MOXD1: variants seen among roughly 807,000 people sequenced by gnomAD.
MOXD1 encodes the protein DBH-like monooxygenase protein 1.
In MOXD1, 62 loss-of-function variants were observed where a neutral mutation model predicts 66.6. The observed-to-expected ratio is 0.93, with a 90% confidence interval of 0.76 to 1.15. MOXD1 has a LOEUF of 1.15. Among genes scored for constraint, MOXD1 ranks in the 50% most tolerant of loss-of-function variants. MOXD1 has a pLI of 0.00. For synonymous variants in MOXD1, 303 were observed against 281.9 expected, an observed-to-expected ratio of 1.07 and a Z score of -0.75; for missense variants, 847 against 754.6, an observed-to-expected ratio of 1.12 and a Z score of -1.44.
intron 4 of MOXD1, among the ~76,000 whole-genome samples, chr6:132,354,226 C>T (rs1775864256): frequency 2.0e-5 from 3 of 152,090 alleles, no homozygotes; most frequent in Admixed American, 2.0e-4. Flanking sequence ...TGTTAAAGAG[C>T]CTTGTTTTGT....
chr6:132,302,457 G>C (rs1157633369), intron 10 of MOXD1, among the ~76,000 whole-genome samples: 1 of 145,360 alleles, frequency 6.9e-6, no homozygotes, highest in Non-Finnish European at 1.5e-5. Flanking sequence ...TAAAGAATTA[G>C]CAGACAAGGA....
intron 9 of MOXD1, among the ~76,000 whole-genome samples, chr6:132,318,134 T>C (rs1774997836): frequency 1.3e-5 from 2 of 152,078 alleles, no homozygotes; most frequent in Admixed American, 6.6e-5. Flanking sequence ...AATTTTTTCT[T>C]TCCTATATTA....
At chr6:132,365,312 C>T (rs974014814) in intron 4 of MOXD1, among the ~76,000 whole-genome samples, 2 of 152,060 alleles carry the variant, frequency 1.3e-5, no homozygotes, top group East Asian at 3.9e-4. Flanking sequence ...AGTCCATGCT[C>T]GAGGTGCTAA....
intron 1 of MOXD1, among the ~76,000 whole-genome samples, chr6:132,378,873 C>CTTTT (rs1562297743): frequency 4.4e-5 from 3 of 68,854 alleles, no homozygotes; most frequent in Non-Finnish European, 1.0e-4. Flanking sequence ...AGAACACTTC[C>CTTTT]TCTTTTTTTT....
intron 9 of MOXD1, among the ~76,000 whole-genome samples, chr6:132,319,875 C>T (rs148720915): frequency 1.2e-3 from 181 of 152,192 alleles, no homozygotes; most frequent in Non-Finnish European, 7.4e-4. Flanking sequence ...TTAATGAATG[C>T]TTTCTCTACC....
At chr6:132,384,384 A>G (rs1776581980) in intron 1 of MOXD1, among the ~76,000 whole-genome samples, 1 of 150,484 alleles carries the variant, frequency 6.6e-6, no homozygotes, top group African/African-American at 2.5e-5. Flanking sequence ...TTGAGTTACT[A>G]TTCTTCAGAC....
chr6:132,310,961 TTTTG>T (rs147640316), intron 10 of MOXD1, among the ~76,000 whole-genome samples: 2,128 of 152,252 alleles, frequency 0.014, 57 homozygotes, highest in African/African-American at 0.048. Flanking sequence ...GTATCCCGTT[TTTTG>T]TTTGTTTGTT....
intron 4 of MOXD1, among the ~76,000 whole-genome samples, chr6:132,359,646 C>T (rs1775977290): frequency 6.6e-6 from 1 of 151,968 alleles, no homozygotes; most frequent in Non-Finnish European, 1.5e-5. Context: ...GCCACGAAGC[C>T]CGGCTAATTT....
intron 10 of MOXD1, among the ~76,000 whole-genome samples, chr6:132,308,856 T>C (rs1774757227): frequency 6.6e-6 from 1 of 152,164 alleles, no homozygotes; most frequent in Admixed American, 6.5e-5. Context: ...AACAAGGTAT[T>C]GATGGAAATA....
chr6:132,322,762 T>A lies in MOXD1; in HGVS notation c.1222A>T (p.Met408Leu). The change falls in exon 8 of 12, where the codon ATG (methionine) becomes TTG (leucine). Residue 408 changes from methionine to leucine, a missense_variant. By Grantham distance (15) the Met-to-Leu change is conservative. Coordinates refer to ENST00000367963, the MANE Select transcript of MOXD1 (RefSeq NM_015529.4). Reference protein sequence around the residue: ...RLRHFRKGKEMKLLAYDDDFD... With the variant: ...RLRHFRKGKELKLLAYDDDFD... ...TCATCATCATAGGCAAGTAATTTCA[T>A]TTCCTTCCCTTTTCGAAAATGACGC... The A allele has an allele frequency of 6.2e-7, 1 of 1,614,124 alleles. No individual in the cohort carries two copies. Among genetic ancestry groups the A allele is most frequent in the East Asian group, 2.2e-5 (1 of 44,880 alleles).
At chr6:132,366,149 A>G (rs1386002323) in intron 4 of MOXD1, among the ~76,000 whole-genome samples, 2 of 152,164 alleles carry the variant, frequency 1.3e-5, no homozygotes, top group African/African-American at 4.8e-5. Context: ...GTGTTGCAAA[A>G]TATTTAAGAG....
chr6:132,396,251 C>T (rs547685447), intron 1 of MOXD1, among the ~76,000 whole-genome samples: 3 of 151,806 alleles, frequency 2.0e-5, no homozygotes, highest in Admixed American at 6.5e-5. Context: ...TTGGAAACTG[C>T]ACAAATACAT....
At chr6:132,310,789 T>G (rs1774810310) in intron 10 of MOXD1, among the ~76,000 whole-genome samples, 2 of 151,918 alleles carry the variant, frequency 1.3e-5, no homozygotes, top group Non-Finnish European at 2.9e-5. Flanking sequence ...AAGTGGGAGT[T>G]GAACAATGAG....
At position 132,296,483 on chromosome 6, in the gene MOXD1, A is replaced by ATCT. The variant is rs1774401987; in HGVS notation, c.*669_*670insAGA. 1 of 152,188 alleles carries ATCT rather than the reference A, an allele frequency of 6.6e-6. No individual in the cohort carries two copies. The highest frequency in any genetic ancestry group is 6.6e-5 in the Admixed American group (1 of 15,264). 9.4% of individuals were successfully genotyped at this position (152,188 alleles called of 1,614,324 possible). ...TCTTTTCAGATAGTGACAGAGCTCT[A>ATCT]GAAAAAACTCATCTGGCCAGTACTA... On this transcript the variant is annotated 3_prime_UTR_variant, in exon 12 of 12. Coordinates refer to ENST00000367963, the MANE Select transcript of MOXD1 (RefSeq NM_015529.4).
At position 132,361,073 on chromosome 6, in the gene MOXD1, A is replaced by T. The variant is rs556718108; in HGVS notation, c.663+11535T>A. Among the ~76,000 whole-genome samples the T allele has an allele frequency of 5.1e-4, 78 of 152,286 alleles. 1 individual carries two copies. The South Asian group carries it at 6.8e-3, about 13-fold the overall frequency. Reference sequence around the variant, plus strand: ...TCAGTGAGATTTCAGTGGTGCAAAGATCTCTCTTTATTGGTAATGAGATGC... The same window carrying T: ...TCAGTGAGATTTCAGTGGTGCAAAGTTCTCTCTTTATTGGTAATGAGATGC... On this transcript the variant is annotated intron_variant, in intron 4 of 11. Transcript: ENST00000367963.
intron 1 of MOXD1, among the ~76,000 whole-genome samples, chr6:132,376,183 T>A (rs1289347878): frequency 6.6e-6 from 1 of 152,234 alleles, no homozygotes; most frequent in East Asian, 1.9e-4. Flanking sequence ...TACAGTTGAT[T>A]TAGAATATAC....
In MOXD1 at chr6:132,359,708, C is replaced by G. The variant is rs370638919; in HGVS notation, c.663+12900G>C. Among the ~76,000 whole-genome samples, 596 of 151,726 alleles carry G rather than the reference C, an allele frequency of 3.9e-3. 3 individuals carry two copies. Among genetic ancestry groups the G allele is most frequent in the Middle Eastern group, 0.034 (10 of 292 alleles). The stretch of plus-strand genomic sequence containing the variant: ...TCACTGTGTTAGCCAGGATGGTCTC[C>G]ATCTCCTGACCTCATAATCCGCCCG... On this transcript the variant is annotated intron_variant, in intron 4 of 11. Coordinates refer to ENST00000367963, the MANE Select transcript of MOXD1 (RefSeq NM_015529.4).
At chr6:132,362,732 T>C (rs1776038366) in intron 4 of MOXD1, among the ~76,000 whole-genome samples, 1 of 152,212 alleles carries the variant, frequency 6.6e-6, no homozygotes, top group African/African-American at 2.4e-5. Flanking sequence ...AGAAAGCTTT[T>C]GGCTTGCTTC....
intron 4 of MOXD1, among the ~76,000 whole-genome samples, chr6:132,356,731 C>T (rs1000012224): frequency 6.6e-6 from 1 of 151,828 alleles, no homozygotes; most frequent in Non-Finnish European, 1.5e-5. Context: ...ATGATGAGGG[C>T]ATTAATTTGA....
Sources: gnomAD v4.1 joint callset for allele counts (sites outside exome capture counted in the v4.1 genomes callset) on GRCh38, gnomAD v4.1.1 for gene constraint, MANE v1.5 for transcripts, NCBI Gene and HGNC (gene_info 2026-07-23, HGNC 2026-07-21) for gene names.